The following CSMD1 variants were observed in gnomAD, a reference collection of about 807,000 sequenced individuals.
The protein encoded by CSMD1 is CUB and Sushi multiple domains 1.
In CSMD1, 213 loss-of-function variants were observed where a neutral mutation model predicts 417.5. The ratio of observed to expected loss-of-function variants is 0.51; its 90% CI spans 0.46 to 0.57. The LOEUF (loss-of-function observed/expected upper bound fraction) is 0.57, where lower values mean the gene tolerates loss of function less well. CSMD1 is among the 20% of genes least tolerant of loss of function. The probability of loss-of-function intolerance (pLI) is 0.00; values close to 1 mark genes in which losing one functional copy is unlikely to be tolerated. For synonymous variants in CSMD1, 2,862 were observed against 1,736.8 expected (o/e 1.65, Z -16.11); for missense variants, 6,923 against 4,529.7 (o/e 1.53, Z -15.17).
chr8:3,895,370 A>C (rs1417186774), intron 5 of CSMD1, among the ~76,000 whole-genome samples: 3 of 152,138 alleles, frequency 2.0e-5, no homozygotes, highest in African/African-American at 7.2e-5. Context: ...CAAGGGAAAT[A>C]TTTTATATAT....
At chr8:4,949,142 C>G (rs1040100313) in intron 1 of CSMD1, among the ~76,000 whole-genome samples, 12 of 151,980 alleles carry the variant, frequency 7.9e-5, no homozygotes, top group South Asian at 2.1e-4. Context: ...TGTTAAACTG[C>G]CTTTGTATTC....
At chr8:3,705,752 T>C (rs1801131908) in intron 7 of CSMD1, among the ~76,000 whole-genome samples, 1 of 152,084 alleles carries the variant, frequency 6.6e-6, no homozygotes, top group African/African-American at 2.4e-5. Flanking sequence ...TGTGCTTGGA[T>C]CTAATCTCTA....
chr8:4,193,174 A>AC (rs1260054605), intron 3 of CSMD1, among the ~76,000 whole-genome samples: 1 of 152,148 alleles, frequency 6.6e-6, no homozygotes, highest in African/African-American at 2.4e-5. Flanking sequence ...CATGCATTTA[A>AC]CCTCAGCTCT....
chr8:3,941,836 C>T (rs979478562), intron 5 of CSMD1, among the ~76,000 whole-genome samples: 1 of 152,108 alleles, frequency 6.6e-6, no homozygotes, highest in Non-Finnish European at 1.5e-5. Context: ...AGCGCAATTC[C>T]TTAAACCAAA....
At chr8:3,287,479 G>C (rs573911449) in intron 25 of CSMD1, among the ~76,000 whole-genome samples, 23 of 152,106 alleles carry the variant, frequency 1.5e-4, no homozygotes, top group African/African-American at 5.3e-4. Flanking sequence ...TTATTTCCTT[G>C]AGCAGTGGTT....
intron 3 of CSMD1, among the ~76,000 whole-genome samples, chr8:4,172,087 T>C (rs1797794817): frequency 6.6e-6 from 1 of 152,108 alleles, no homozygotes; most frequent in African/African-American, 2.4e-5. Flanking sequence ...GGAAGGCGTA[T>C]CACGGAGAGT....
intron 5 of CSMD1, among the ~76,000 whole-genome samples, chr8:3,926,779 G>A (rs981756920): frequency 7.5e-6 from 1 of 132,952 alleles, no homozygotes; most frequent in Non-Finnish European, 1.5e-5. Context: ...GCAGTGTCGT[G>A]ATCTCAGCTC....
intron 1 of CSMD1, among the ~76,000 whole-genome samples, chr8:4,868,398 C>T (rs1475026132): frequency 6.6e-6 from 1 of 151,978 alleles, no homozygotes; most frequent in East Asian, 1.9e-4. Context: ...CTACACCCGA[C>T]TAATTTTTGT....
chr8:4,951,265 A>G (rs1228653149), intron 1 of CSMD1, among the ~76,000 whole-genome samples: 1 of 152,120 alleles, frequency 6.6e-6, no homozygotes, highest in Non-Finnish European at 1.5e-5. Flanking sequence ...GCTGATAACG[A>G]CTTTTAGTCT....
rs944289515 is a variant in CSMD1, at chr8:2,994,739, C to A, written c.8377+3272G>T. Among the ~76,000 whole-genome samples the A allele has an allele frequency of 4.6e-5, 7 of 152,218 alleles. No homozygotes were observed. In the East Asian group the frequency reaches 1.2e-3, roughly 25 times the overall value. On this transcript the variant is annotated intron_variant, in intron 54 of 69. Coordinates refer to ENST00000635120, the MANE Select transcript of CSMD1 (RefSeq NM_033225.6). ...AATTCAGAAAATTATTTATAGACAT[C>A]TTTATCATTCAATTTTTAATTTTTT...
At chr8:3,899,076 T>A (rs547125469) in intron 5 of CSMD1, among the ~76,000 whole-genome samples, 2 of 152,130 alleles carry the variant, frequency 1.3e-5, no homozygotes, top group Non-Finnish European at 2.9e-5. Flanking sequence ...GAGGAATAAA[T>A]AGAGAAGGGT....
At chr8:4,348,337 C>T (rs966375069) in intron 3 of CSMD1, among the ~76,000 whole-genome samples, 6 of 151,842 alleles carry the variant, frequency 4.0e-5, no homozygotes, top group Admixed American at 6.6e-5. Flanking sequence ...GCCACAGCAG[C>T]GAAGTCATGG....
intron 5 of CSMD1, among the ~76,000 whole-genome samples, chr8:3,856,714 T>C (rs1392470731): frequency 6.6e-6 from 1 of 152,186 alleles, no homozygotes; most frequent in African/African-American, 2.4e-5. Flanking sequence ...GGGTATGCTG[T>C]TTCCTCAAAA....
chr8:3,307,521 A>T (rs1237483340), intron 25 of CSMD1, among the ~76,000 whole-genome samples, 174 bp downstream of exon 25: 2 of 152,244 alleles, frequency 1.3e-5, no homozygotes, highest in African/African-American at 2.4e-5. Flanking sequence ...TAATGGTTTC[A>T]AGGCAACAGC....
intron 25 of CSMD1, among the ~76,000 whole-genome samples, chr8:3,301,995 A>T (rs1207481110): frequency 6.6e-6 from 1 of 152,184 alleles, no homozygotes; most frequent in Non-Finnish European, 1.5e-5. Flanking sequence ...AAAGAATTCC[A>T]TGAGCTGTAC....
intron 3 of CSMD1, among the ~76,000 whole-genome samples, chr8:4,134,180 A>C (rs899333556): frequency 3.3e-5 from 5 of 152,294 alleles, no homozygotes; most frequent in South Asian, 2.1e-4. Context: ...ACTATTTAAA[A>C]TTAAAGTTGA....
intron 6 of CSMD1, among the ~76,000 whole-genome samples, chr8:3,749,248 T>TAAAAAAATAATC (rs1797203930): frequency 6.6e-6 from 1 of 152,224 alleles, no homozygotes; most frequent in South Asian, 2.1e-4. Context: ...AGAAATAATG[T>TAAAAAAATAATC]GTCCTGCATA....
At chr8:3,374,792 T>C (rs1225565471) in intron 18 of CSMD1, among the ~76,000 whole-genome samples, 1 of 152,136 alleles carries the variant, frequency 6.6e-6, no homozygotes, top group Non-Finnish European at 1.5e-5. Context: ...CACACAGCCC[T>C]CTGGGGATTC....
intron 5 of CSMD1, among the ~76,000 whole-genome samples, chr8:3,946,969 A>C (rs1297431620): frequency 6.6e-6 from 1 of 152,200 alleles, no homozygotes; most frequent in Non-Finnish European, 1.5e-5. Flanking sequence ...AATTCACAGC[A>C]ATCACATCAT....
Sources: gnomAD v4.1 joint callset for allele counts (sites outside exome capture counted in the v4.1 genomes callset) on GRCh38, gnomAD v4.1.1 for gene constraint, MANE v1.5 for transcripts, NCBI Gene and HGNC (gene_info 2026-07-23, HGNC 2026-07-21) for gene names.